The following PCGF3 variants were observed in gnomAD, a reference collection of about 807,000 sequenced individuals.
PCGF3 encodes polycomb group ring finger 3, also known as polycomb group RING finger protein 3.
In PCGF3, 7 loss-of-function variants were observed where a neutral mutation model predicts 33.1. The observed-to-expected ratio is 0.21, with a 90% confidence interval of 0.12 to 0.40. PCGF3 has a LOEUF of 0.40. Ranked by LOEUF, PCGF3 falls within the 10% of genes least tolerant of loss-of-function variation. The pLI is 1.00. For missense variants in PCGF3, 211 were observed against 313.3 expected (o/e 0.67, Z 2.46); for synonymous variants, 153 against 121.3 (o/e 1.26, Z -1.72).
chr4:765,532 C>G (rs1745318925), intron 10 of PCGF3, among the ~76,000 whole-genome samples: 1 of 152,200 alleles, frequency 6.6e-6, no homozygotes, highest in Non-Finnish European at 1.5e-5. Context: ...TTGGAAGGTG[C>G]CAGCTGAGCT....
chr4:754,316 G>C (rs746031946), intron 8 of PCGF3, among the ~76,000 whole-genome samples: 1 of 152,220 alleles, frequency 6.6e-6, no homozygotes, highest in Non-Finnish European at 1.5e-5. Flanking sequence ...ACTGGCTCCT[G>C]TCCGCACCCT....
chr4:765,200 G>T (rs1396627880), intron 10 of PCGF3, 136 bp downstream of exon 10: 1 of 610,940 alleles, frequency 1.6e-6, no homozygotes. Flanking sequence ...TTGGGAGGAC[G>T]AGGCGGGCGG....
chr4:732,947 C>T (rs1182768998), intron 3 of PCGF3, among the ~76,000 whole-genome samples: 1 of 152,202 alleles, frequency 6.6e-6, no homozygotes, highest in Admixed American at 6.5e-5. Flanking sequence ...CCCGAAGGCG[C>T]AGGTCTGGTG....
At chr4:753,591 C>T (rs773667202) in intron 8 of PCGF3, among the ~76,000 whole-genome samples, 86 of 150,392 alleles carry the variant, frequency 5.7e-4, no homozygotes, top group African/African-American at 1.9e-3. Context: ...TGCAGTGAGC[C>T]GAGATCACGC....
chr4:728,687 C>G (rs1340368046), intron 1 of PCGF3, among the ~76,000 whole-genome samples: 17 of 152,182 alleles, frequency 1.1e-4, no homozygotes, highest in Non-Finnish European at 1.8e-4. Context: ...AATGCTGGCT[C>G]CAAGGTCTGT....
intron 8 of PCGF3, among the ~76,000 whole-genome samples, chr4:756,766 C>T (rs893184695): frequency 3.9e-5 from 6 of 152,140 alleles, no homozygotes; most frequent in Admixed American, 3.3e-4. Context: ...GAAGCTCTGC[C>T]CCCATTAAAC....
intron 1 of PCGF3, chr4:722,200 AC>A (rs1368535656): frequency 6.4e-6 from 1 of 157,402 alleles, no homozygotes; most frequent in East Asian, 1.9e-4. Context: ...TCAGGATGAT[AC>A]GTTTTTCCTT....
At chr4:733,450 C>T (rs770742152) in intron 3 of PCGF3, among the ~76,000 whole-genome samples, 19 of 152,126 alleles carry the variant, frequency 1.2e-4, no homozygotes, top group South Asian at 6.2e-4. Context: ...GCGGGGGAGC[C>T]GGGGGCTTTT....
intron 8 of PCGF3, among the ~76,000 whole-genome samples, chr4:754,582 C>G (rs1374645103): frequency 6.6e-6 from 1 of 152,178 alleles, no homozygotes; most frequent in Non-Finnish European, 1.5e-5. Context: ...CCAGGCTGCC[C>G]CACGTGCCGT....
At chr4:761,476 T>G in intron 9 of PCGF3, 60 bp downstream of exon 9, 1 of 1,477,966 alleles carries the variant, frequency 6.8e-7, no homozygotes, top group Non-Finnish European at 9.1e-7. Context: ...TAAAGGTAAC[T>G]CCAAGATTCT....
chr4:739,564 G>T (rs1374135381), intron 6 of PCGF3, among the ~76,000 whole-genome samples: 2 of 152,168 alleles, frequency 1.3e-5, no homozygotes, highest in African/African-American at 2.4e-5. Flanking sequence ...TCCTGCCTCT[G>T]CCTTCCCATT....
intron 1 of PCGF3, among the ~76,000 whole-genome samples, chr4:722,091 G>A (rs1209783113): frequency 6.6e-6 from 1 of 152,184 alleles, no homozygotes; most frequent in African/African-American, 2.4e-5. Flanking sequence ...GACGGTGTCT[G>A]TGTGAGAGCA....
rs749164360 is a variant in PCGF3, at chr4:765,072, A to G, written c.681+8A>G. The G allele has an allele frequency of 6.3e-7, 1 of 1,596,694 alleles. No individual in the cohort carries two copies. Among genetic ancestry groups the G allele is most frequent in the Non-Finnish European group, 8.6e-7 (1 of 1,164,196 alleles). On this transcript the variant is annotated splice_region_variant and intron_variant, in intron 10 of 10. Transcript: ENST00000362003. ...ACTAGGTGGAGATTCAAGGTGAGACACGTGATTTGATTTTCAGAGTCTGCT... is the reference window on the plus strand; with the variant it reads ...ACTAGGTGGAGATTCAAGGTGAGACGCGTGATTTGATTTTCAGAGTCTGCT...
intron 1 of PCGF3, chr4:723,719 G>C (rs1743212452): frequency 6.5e-6 from 1 of 153,296 alleles, no homozygotes; most frequent in Non-Finnish European, 1.5e-5. Context: ...ATGGAGCCGA[G>C]AGCTGAGCGG....
chr4:764,776 C>T lies in PCGF3; in HGVS notation c.601-208C>T, dbSNP rs563296025. The T allele has an allele frequency of 5.6e-5, 30 of 538,460 alleles. 1 individual carries two copies. Among genetic ancestry groups the T allele is most frequent in the Admixed American group, 3.2e-4 (10 of 30,814 alleles). The allele number at this position is 538,460 out of a possible 1,614,324, so 33.4% of individuals were successfully genotyped here. Reference sequence around the variant, plus strand: ...TATCTTATATGTTGCACTGGATTTCCGTTCAGCTGTGAGGTAGGGACCACA... The same window carrying T: ...TATCTTATATGTTGCACTGGATTTCTGTTCAGCTGTGAGGTAGGGACCACA... On this transcript the variant is annotated intron_variant, in intron 9 of 10. Coordinates refer to ENST00000362003, the Ensembl canonical transcript of PCGF3.
chr4:742,511 A>C (rs933507157), intron 6 of PCGF3, among the ~76,000 whole-genome samples: 1 of 152,072 alleles, frequency 6.6e-6, no homozygotes, highest in Admixed American at 6.5e-5. Context: ...CTTTTTTCTA[A>C]CCTTTCTTTG....
intron 1 of PCGF3, among the ~76,000 whole-genome samples, chr4:730,359 G>T (rs1274833578): frequency 3.3e-5 from 5 of 152,218 alleles, no homozygotes; most frequent in African/African-American, 1.2e-4. Context: ...AGCATGATGG[G>T]GCCCCCAGCT....
At chr4:707,736 C>T (rs189412005) in intron 1 of PCGF3, among the ~76,000 whole-genome samples, 3 of 104,294 alleles carry the variant, frequency 2.9e-5, no homozygotes, top group Admixed American at 9.4e-5. Context: ...CACCTGGGGG[C>T]CGGGACCCTG....
intron 6 of PCGF3, among the ~76,000 whole-genome samples, chr4:742,751 C>T (rs1054055315): frequency 6.6e-5 from 10 of 152,190 alleles, no homozygotes; most frequent in East Asian, 1.9e-4. Context: ...GCCCGTCTGC[C>T]GCCGGGCAGT....
Sources: allele counts gnomAD v4.1 joint callset (sites outside exome capture counted in the v4.1 genomes callset), GRCh38; gene constraint gnomAD v4.1.1; transcripts MANE v1.5; gene names NCBI Gene and HGNC (gene_info 2026-07-23, HGNC 2026-07-21).